GAB3: variants seen among roughly 807,000 people sequenced by gnomAD.
The protein encoded by GAB3 is GRB2-associated-binding protein 3.
Under a neutral mutation model 40.4 loss-of-function variants are expected in GAB3, and 12 were observed. The observed-to-expected ratio is 0.30, with a 90% confidence interval of 0.19 to 0.48. GAB3 has a LOEUF of 0.48. Among genes scored for constraint, GAB3 ranks in the 20% least tolerant of loss-of-function variants. GAB3 has a pLI of 0.99. For synonymous variants in GAB3, 154 were observed against 176.7 expected (o/e 0.87, Z 1.02); for missense variants, 381 against 461.9 (o/e 0.82, Z 1.61).
In GAB3 at chrX:154,711,157, T is replaced by C. The variant is rs781816893; in HGVS notation, c.1069+1072A>G. Among the ~76,000 whole-genome samples, 17 of 112,107 alleles carry C rather than the reference T, an allele frequency of 1.5e-4. No individual in the cohort carries two copies. The South Asian group carries it at 6.3e-3, about 41-fold the overall frequency. ...AATTTGAAAATAAATTTGCACTCCT[T>C]CCACTTTCCATAATTCCTTGAAAAC... On this transcript the variant is annotated intron_variant, in intron 4 of 9. Transcript: ENST00000424127.
At chrX:154,705,327 A>G (rs782600474) in intron 4 of GAB3, among the ~76,000 whole-genome samples, 4 of 111,957 alleles carry the variant, frequency 3.6e-5, no homozygotes, top group African/African-American at 1.3e-4. Flanking sequence ...ACATGTACCC[A>G]AAACCTAAAA....
intron 8 of GAB3, among the ~76,000 whole-genome samples, chrX:154,681,432 TG>T (rs2070372516): frequency 1.4e-5 from 1 of 72,600 alleles, no homozygotes; most frequent in South Asian, 5.8e-4. Flanking sequence ...TTTTGTTTTT[TG>T]GGTTTTTTTT....
chrX:154,714,736 G>A (rs1269745931), intron 2 of GAB3, among the ~76,000 whole-genome samples: 1 of 112,043 alleles, frequency 8.9e-6, no homozygotes, highest in African/African-American at 3.2e-5. Flanking sequence ...TCCTGGATAA[G>A]GAAAGAAACA....
At chrX:154,704,553 A>G (rs1334747494) in intron 4 of GAB3, among the ~76,000 whole-genome samples, 1 of 111,544 alleles carries the variant, frequency 9.0e-6, no homozygotes, top group Non-Finnish European at 1.9e-5. Flanking sequence ...CTATAAAAGC[A>G]AGAGCAAACC....
At chrX:154,750,423 A>G (rs1026058804) in intron 1 of GAB3, among the ~76,000 whole-genome samples, 8 of 112,375 alleles carry the variant, frequency 7.1e-5, no homozygotes, top group Non-Finnish European at 1.1e-4. Context: ...AAGGAGTTAC[A>G]CGATGAGAAA....
intron 8 of GAB3, among the ~76,000 whole-genome samples, chrX:154,693,637 G>A (rs1205481458): frequency 1.8e-5 from 2 of 111,826 alleles, no homozygotes; most frequent in Non-Finnish European, 3.8e-5. Context: ...TTTTGGAACC[G>A]TTGTGTACTC....
chrX:154,695,426 C>T (rs1201142021), intron 8 of GAB3, among the ~76,000 whole-genome samples: 2 of 112,050 alleles, frequency 1.8e-5, no homozygotes, highest in African/African-American at 6.5e-5. Flanking sequence ...CTAAGATACA[C>T]TCACAGTCCA....
chrX:154,750,345 A>G (rs1248969927), intron 1 of GAB3, among the ~76,000 whole-genome samples: 17 of 112,492 alleles, frequency 1.5e-4, no homozygotes, highest in African/African-American at 5.2e-4. Context: ...TCCTAATTTC[A>G]TATTAGTAAA....
chrX:154,720,557 G>A (rs782127706), intron 1 of GAB3, among the ~76,000 whole-genome samples: 1 of 105,842 alleles, frequency 9.4e-6, no homozygotes, highest in South Asian at 4.3e-4. Context: ...ACCCCGGGGG[G>A]CGGAGCCTGC....
intron 1 of GAB3, among the ~76,000 whole-genome samples, chrX:154,747,574 A>G (rs782703782): frequency 8.9e-6 from 1 of 112,095 alleles, no homozygotes; most frequent in African/African-American, 3.2e-5. Context: ...GCCAAGGTGG[A>G]AGGATCACTT....
upstream of GAB3, among the ~76,000 whole-genome samples, chrX:154,751,293 GGTGT>G (rs781835329): frequency 1.1e-5 from 1 of 87,853 alleles, no homozygotes; most frequent in East Asian, 4.1e-4. Context: ...CCGGGGGGGG[GGTGT>G]GGGGGGGGGA....
chrX:154,712,610 G>C lies in GAB3; in HGVS notation c.688C>G (p.Leu230Val). ...GGGTGGACCAAATGACTGGAGGGGA[G>C]CGGCTGCAGGCAGTCAACAAAAACA... ...DDVFVDCLQP[L>V]PSSHLVHPSC... The change falls in exon 4 of 10, where the codon CTC becomes GTC. Residue 230 changes from leucine to valine, a missense_variant. By Grantham distance (32) the Leu-to-Val change is conservative (BLOSUM62 1). Coordinates refer to ENST00000424127, the MANE Select transcript of GAB3 (RefSeq NM_001081573.3). The C allele has an allele frequency of 8.8e-7, 1 of 1,139,768 alleles. No homozygotes were observed. The highest frequency in any genetic ancestry group is 1.2e-6 in the Non-Finnish European group (1 of 861,762). 93.9% of individuals were successfully genotyped at this position (1,139,768 alleles called of 1,213,427 possible). A position where few individuals can be genotyped will look rare whatever the true frequency, so the allele number is the denominator to read the frequency against.
At position 154,716,121 on chromosome X, in the gene GAB3, G is replaced by C; in HGVS notation, c.281C>G (p.Thr94Arg). ...FVFIVKTTSR[T>R]FYLVAKTEQE... ...CTCAGTTTTGGCCACCAGGTAGAAT[G>C]TACGGGAAGTAGTCTTGACAATGAA... Residue 94 changes from threonine to arginine, a missense_variant, in exon 2 of 10, where the codon ACA becomes AGA. Physicochemically the swap from Thr to Arg is moderately conservative, Grantham distance 71. Around this residue, in one of 2 missense-constraint regions of GAB3, gnomAD observed 364 missense variants for 421.0 expected, o/e 0.86. Coordinates refer to ENST00000424127, the MANE Select transcript of GAB3 (RefSeq NM_001081573.3). 2 of 1,211,780 alleles carry C rather than the reference G, an allele frequency of 1.7e-6. No individual in the cohort carries two copies. The highest frequency in any genetic ancestry group is 1.7e-5 in the African/African-American group (1 of 57,920).
chrX:154,699,656 T>A lies in GAB3; in HGVS notation c.1126-143A>T, dbSNP rs1469467300. Reference sequence around the variant, plus strand: ...CTTCCTCAGCAAAGTCAGACAAGCCTCTAGCTCAAGTTCTGCCTCTGGACT... The same window carrying A: ...CTTCCTCAGCAAAGTCAGACAAGCCACTAGCTCAAGTTCTGCCTCTGGACT... On this transcript the variant is annotated intron_variant, in intron 5 of 9. Coordinates refer to ENST00000424127, the MANE Select transcript of GAB3 (RefSeq NM_001081573.3). 5.9e-6 allele frequency: 3 copies of A among 505,116 alleles called. No individual in the cohort carries two copies. The Admixed American group carries it at 1.2e-4, about 20-fold the overall frequency. The allele number at this position is 505,116 out of a possible 1,213,427, so 41.6% of individuals were successfully genotyped here.
At chrX:154,681,289 T>C (rs1557246782) in intron 8 of GAB3, among the ~76,000 whole-genome samples, 2 of 111,957 alleles carry the variant, frequency 1.8e-5, no homozygotes, top group Non-Finnish European at 3.8e-5. Flanking sequence ...TTTTCCTACC[T>C]GAGACAGGTA....
chrX:154,687,767 G>A (rs2070481957), intron 8 of GAB3, among the ~76,000 whole-genome samples: 1 of 110,918 alleles, frequency 9.0e-6, no homozygotes, highest in Non-Finnish European at 1.9e-5. Context: ...AATGATGTTA[G>A]AGAAAATAAA....
In GAB3 at chrX:154,697,091, T is replaced by C. The variant is rs1170721670; in HGVS notation, c.1427+41A>G. On this transcript the variant is annotated intron_variant, in intron 7 of 9. Coordinates refer to ENST00000424127, the MANE Select transcript of GAB3 (RefSeq NM_001081573.3). ...ATCAGAGGCCTAACACACACCGGGG[T>C]GTCTGTGCTGGATGAGGCTCTTTTG... 4 of 1,046,989 alleles carry C rather than the reference T, an allele frequency of 3.8e-6. No individual in the cohort carries two copies. In the Admixed American group the frequency reaches 6.6e-5, roughly 17 times the overall value. The allele number at this position is 1,046,989 out of a possible 1,213,427, so 86.3% of individuals were successfully genotyped here.
intron 8 of GAB3, among the ~76,000 whole-genome samples, chrX:154,687,823 G>A (rs1423894344): frequency 9.0e-6 from 1 of 111,426 alleles, no homozygotes; most frequent in Admixed American, 9.5e-5. Flanking sequence ...AATCAAGACT[G>A]TATGGCATAG....
At chrX:154,723,081 T>C (rs782407288) in intron 1 of GAB3, among the ~76,000 whole-genome samples, 13 of 111,077 alleles carry the variant, frequency 1.2e-4, no homozygotes, top group Non-Finnish European at 1.9e-4. Flanking sequence ...GGTTTCGCCA[T>C]GTTGGTCAGG....
Sources: gnomAD v4.1 joint callset for allele counts (sites outside exome capture counted in the v4.1 genomes callset) on GRCh38, gnomAD v4.1.1 for gene constraint, gnomAD v4.1.1 regional missense constraint, MANE v1.5 for transcripts, NCBI Gene and HGNC (gene_info 2026-07-23, HGNC 2026-07-21) for gene names.